Variants in RNF24 observed in about 807,000 individuals in gnomAD.
RNF24 encodes ring finger protein 24.
A neutral mutation model predicts 20.0 loss-of-function variants in RNF24; 14 were observed. That is an observed-to-expected ratio of 0.70 (90% confidence interval 0.46 to 1.10). The LOEUF is 1.10. RNF24 is among the 50% of genes least tolerant of loss of function. RNF24 has a pLI of 0.00. For missense variants in RNF24, 124 were observed against 177.6 expected (o/e 0.70, Z 1.71); for synonymous variants, 45 against 61.1 (o/e 0.74, Z 1.23).
intron 1 of RNF24, among the ~76,000 whole-genome samples, chr20:3,964,889 G>A (rs11906274): frequency 0.13 from 20,309 of 152,004 alleles, 1,533 homozygotes; most frequent in Non-Finnish European, 0.17. Context: ...TGACTGACCC[G>A]GTATGTACAC....
chr20:3,972,477 G>A (rs560325491), intron 1 of RNF24, among the ~76,000 whole-genome samples: 9 of 152,288 alleles, frequency 5.9e-5, no homozygotes, highest in African/African-American at 2.2e-4. Flanking sequence ...AATCAAACTA[G>A]ACATTTATAA....
chr20:3,934,311 C>G lies in RNF24; in HGVS notation c.309-110G>C. Reference sequence around the variant, plus strand: ...CCCAGACAACGTCTGCTGTATGGTCCAAGGAGCTCCCCTCCTAGGTGGTGA... The same window carrying G: ...CCCAGACAACGTCTGCTGTATGGTCGAAGGAGCTCCCCTCCTAGGTGGTGA... On this transcript the variant is annotated intron_variant, in intron 5 of 5. Transcript: ENST00000358395. The surrounding 1 kb of genome is among the most constrained non-coding windows in gnomAD (Gnocchi z 4.0). 1.9e-6 allele frequency: 2 copies of G among 1,080,044 alleles called. No individual in the cohort carries two copies. The highest frequency in any genetic ancestry group is 2.6e-6 in the Non-Finnish European group (2 of 774,818). 66.9% of individuals were successfully genotyped at this position (1,080,044 alleles called of 1,614,324 possible).
At chr20:3,982,103 G>GTCTCTC (rs34868373) in intron 1 of RNF24, among the ~76,000 whole-genome samples, 3,317 of 137,074 alleles carry the variant, frequency 0.024, 75 homozygotes, top group East Asian at 0.038. Context: ...GTGAGACCTC[G>GTCTCTC]TCTCTCTCTC....
intron 4 of RNF24, among the ~76,000 whole-genome samples, chr20:3,941,957 C>T (rs2090960962): frequency 6.6e-6 from 1 of 151,588 alleles, no homozygotes; most frequent in Admixed American, 6.6e-5. Context: ...ATCTGTAATC[C>T]CAGCTACTTG....
At chr20:3,935,367 T>C (rs748193172) in intron 4 of RNF24, among the ~76,000 whole-genome samples, 1 of 152,094 alleles carries the variant, frequency 6.6e-6, no homozygotes, top group Non-Finnish European at 1.5e-5. Flanking sequence ...GAGGGAGGGT[T>C]ACTCTCACAT....
intron 2 of RNF24, among the ~76,000 whole-genome samples, chr20:3,951,583 A>G (rs992785935): frequency 6.6e-6 from 1 of 152,228 alleles, no homozygotes; most frequent in Admixed American, 6.5e-5. Context: ...GAAATCTTCT[A>G]TAAGGAAGAG....
At chr20:3,953,198 C>A (rs2091101579) in intron 2 of RNF24, among the ~76,000 whole-genome samples, 1 of 152,032 alleles carries the variant, frequency 6.6e-6, no homozygotes, top group Non-Finnish European at 1.5e-5. Flanking sequence ...TGTCACCCAG[C>A]GTGGAGTGCA....
At chr20:3,960,249 G>A (rs2091186943) in intron 2 of RNF24, among the ~76,000 whole-genome samples, 1 of 152,162 alleles carries the variant, frequency 6.6e-6, no homozygotes, top group South Asian at 2.1e-4. Flanking sequence ...GGGTAATTCT[G>A]GAGGAGCTGA....
chr20:3,970,433 C>A (rs1467775136), intron 1 of RNF24, among the ~76,000 whole-genome samples: 1 of 152,074 alleles, frequency 6.6e-6, no homozygotes, highest in East Asian at 1.9e-4. Flanking sequence ...CAGGTTTCAA[C>A]TAAAAATTAC....
Position 3,989,330 on chromosome 20 carries a change from A to T in RNF24, c.-7-25306T>A, listed in dbSNP as rs186157505. On this transcript the variant is annotated intron_variant, in intron 1 of 5. Coordinates refer to ENST00000358395, the MANE Select transcript of RNF24 (RefSeq NM_001134337.3). ...CATGGTGAAACCCTGTCTCTACTAA[A>T]AATACAAAAAATTAGCCAGGCGTGG... 2.6e-4 allele frequency among the ~76,000 whole-genome samples: 40 copies of T among 152,130 alleles called. 1 individual carries two copies. The highest frequency in any genetic ancestry group is 9.2e-4 in the African/African-American group (38 of 41,486).
chr20:3,982,684 C>A (rs1979527807), intron 1 of RNF24, among the ~76,000 whole-genome samples: 1 of 151,946 alleles, frequency 6.6e-6, no homozygotes, highest in East Asian at 1.9e-4. Context: ...CCCAAGAGTC[C>A]CTGACTAGCC....
At chr20:3,945,061 C>A in intron 4 of RNF24, 116 bp downstream of exon 4, 1 of 1,317,962 alleles carries the variant, frequency 7.6e-7, no homozygotes, top group South Asian at 1.3e-5. Context: ...TTCTATTACC[C>A]CAATCAAAAT....
Position 3,943,301 on chromosome 20 carries a change from A to T in RNF24, c.228+1876T>A, listed in dbSNP as rs241627. Among the ~76,000 whole-genome samples the T allele has an allele frequency of 2.5e-3, 357 of 145,620 alleles. 3 individuals carry two copies. The highest frequency in any genetic ancestry group is 4.4e-3 in the African/African-American group (175 of 40,084). On this transcript the variant is annotated intron_variant, in intron 4 of 5. Transcript: ENST00000358395. The stretch of plus-strand genomic sequence containing the variant: ...CAATATAAATCAAAATCCCAGCAGG[A>T]TTTTTTTTTTTTTTTTGTGGATACA...
intron 1 of RNF24, among the ~76,000 whole-genome samples, chr20:3,972,132 A>T (rs1436294295): frequency 6.6e-6 from 1 of 152,216 alleles, no homozygotes; most frequent in Admixed American, 6.5e-5. Context: ...AAAACAACAG[A>T]GCTGCAAAAC....
chr20:3,944,200 A>G (rs1337164645), intron 4 of RNF24, among the ~76,000 whole-genome samples: 1 of 116,456 alleles, frequency 8.6e-6, no homozygotes, highest in Non-Finnish European at 1.7e-5. Flanking sequence ...ACAGAGTAAG[A>G]CCCCGTCTCA....
intron 4 of RNF24, among the ~76,000 whole-genome samples, 191 bp from the exon 5 acceptor site, chr20:3,935,264 C>T (rs1029827428): frequency 6.6e-6 from 1 of 152,176 alleles, no homozygotes; most frequent in Non-Finnish European, 1.5e-5. Context: ...TCCTGCTCTT[C>T]CTGTCCCATA....
chr20:3,984,798 T>G (rs990143066), intron 1 of RNF24, among the ~76,000 whole-genome samples: 2 of 145,828 alleles, frequency 1.4e-5, no homozygotes, highest in Admixed American at 1.4e-4. Context: ...TCTTTCAAGC[T>G]TTTTTTTTTT....
chr20:4,014,708 C>A (rs1050034782), intron 1 of RNF24, among the ~76,000 whole-genome samples: 14 of 151,226 alleles, frequency 9.3e-5, no homozygotes, highest in Admixed American at 2.6e-4. Context: ...CTGATTCTCT[C>A]ATTTCATAGA....
intron 2 of RNF24, among the ~76,000 whole-genome samples, chr20:3,952,591 T>TC (rs1283996294): frequency 1.3e-5 from 2 of 151,106 alleles, no homozygotes; most frequent in Admixed American, 6.6e-5. Context: ...CGTTTTTTTT[T>TC]TTTTGCACTG....
Sources: allele counts gnomAD v4.1 joint callset (sites outside exome capture counted in the v4.1 genomes callset), GRCh38; gene constraint gnomAD v4.1.1; non-coding constraint Gnocchi (gnomAD v3.1); transcripts MANE v1.5; gene names NCBI Gene and HGNC (gene_info 2026-07-23, HGNC 2026-07-21).